Variants in GALNT2 observed in about 807,000 individuals in gnomAD.
The protein encoded by GALNT2 is polypeptide N-acetylgalactosaminyltransferase 2.
In GALNT2, 31 loss-of-function variants were observed where a neutral mutation model predicts 81.4. The ratio of observed to expected loss-of-function variants is 0.38; its 90% CI spans 0.29 to 0.51. The LOEUF is 0.51. Among genes scored for constraint, GALNT2 ranks in the 20% least tolerant of loss-of-function variants. The pLI, the probability that GALNT2 is intolerant of heterozygous loss-of-function variation, is 0.87. For missense variants in GALNT2, 629 were observed against 765.7 expected, an observed-to-expected ratio of 0.82 and a Z score of 2.11; for synonymous variants, 303 against 287.4, an observed-to-expected ratio of 1.05 and a Z score of -0.55.
At chr1:230,068,572 G>C (rs951543820) in intron 1 of GALNT2, among the ~76,000 whole-genome samples, 2 of 152,218 alleles carry the variant, frequency 1.3e-5, no homozygotes, top group Admixed American at 1.3e-4. Flanking sequence ...ACAAGCCAGA[G>C]GGAACTAACT....
At chr1:230,208,045 C>T (rs1279729851) in intron 3 of GALNT2, among the ~76,000 whole-genome samples, 1 of 152,148 alleles carries the variant, frequency 6.6e-6, no homozygotes, top group African/African-American at 2.4e-5. Context: ...ACAGTGATCT[C>T]TGCATGGTTT....
intron 14 of GALNT2, among the ~76,000 whole-genome samples, chr1:230,268,665 A>G (rs994974573): frequency 1.3e-5 from 2 of 152,242 alleles, no homozygotes; most frequent in East Asian, 1.9e-4. Flanking sequence ...CCGCACAGCT[A>G]GTAACACGAG....
chr1:230,060,478 AG>A (rs1659020439), intron 1 of GALNT2, among the ~76,000 whole-genome samples: 1 of 152,148 alleles, frequency 6.6e-6, no homozygotes, highest in Non-Finnish European at 1.5e-5. Context: ...CACCTGGCCA[AG>A]GTGCTGCCTA....
intron 5 of GALNT2, 81 bp from the exon 6 acceptor site, chr1:230,236,579 A>G (rs1036448245): frequency 2.7e-6 from 4 of 1,461,726 alleles, no homozygotes; most frequent in African/African-American, 1.4e-5. Context: ...CGGCCCTTAG[A>G]TGATTGAGAA....
At chr1:230,064,613 C>G (rs548898681), upstream of GALNT2, among the ~76,000 whole-genome samples, 1 of 152,134 alleles carries the variant, frequency 6.6e-6, no homozygotes, top group Admixed American at 6.5e-5. Flanking sequence ...CTCTGCCTCC[C>G]GGGTTCAAAT....
intron 11 of GALNT2, among the ~76,000 whole-genome samples, chr1:230,256,149 C>T (rs1368311974): frequency 6.6e-6 from 1 of 152,104 alleles, no homozygotes; most frequent in Non-Finnish European, 1.5e-5. Context: ...TCTTAAAGGC[C>T]TCACCTCGGC....
intron 7 of GALNT2, among the ~76,000 whole-genome samples, chr1:230,244,712 G>A (rs1665311739): frequency 6.6e-6 from 1 of 152,190 alleles, no homozygotes. Flanking sequence ...ATGTAAAGTA[G>A]ATTATATCCT....
intron 3 of GALNT2, among the ~76,000 whole-genome samples, chr1:230,226,260 G>A (rs1012980162): frequency 7.2e-5 from 11 of 152,150 alleles, no homozygotes; most frequent in African/African-American, 2.2e-4. Flanking sequence ...TGGGAATGGC[G>A]TAAGCATTTT....
rs557032363 is a variant in GALNT2, at chr1:230,274,352, A to C, written c.1441-93A>C. The C allele has an allele frequency of 8.0e-6, 12 of 1,504,446 alleles. No individual in the cohort carries two copies. In the East Asian group the frequency reaches 2.5e-4, roughly 32 times the overall value. 93.2% of individuals were successfully genotyped at this position (1,504,446 alleles called of 1,614,324 possible). On this transcript the variant is annotated intron_variant, in intron 14 of 15. Transcript: ENST00000366672. ...TTCTGAATCTAAGCTCCACCCCGTGACCCATTTCCTTTTTGAGCCCTCATC... is the reference window on the plus strand; with the variant it reads ...TTCTGAATCTAAGCTCCACCCCGTGCCCCATTTCCTTTTTGAGCCCTCATC...
intron 1 of GALNT2, among the ~76,000 whole-genome samples, chr1:230,109,219 A>G (rs12732392): frequency 0.28 from 43,019 of 152,150 alleles, 6,122 homozygotes; most frequent in African/African-American, 0.33. Context: ...GATGGGATGC[A>G]GCTGCCCAGT....
intron 2 of GALNT2, among the ~76,000 whole-genome samples, chr1:230,181,726 T>C (rs1309204880): frequency 6.6e-6 from 1 of 152,148 alleles, no homozygotes; most frequent in South Asian, 2.1e-4. Context: ...GTCTGGTTTT[T>C]GGTATTAGGG....
chr1:230,183,861 C>G (rs535120336), intron 2 of GALNT2, among the ~76,000 whole-genome samples: 1 of 152,094 alleles, frequency 6.6e-6, no homozygotes, highest in African/African-American at 2.4e-5. Flanking sequence ...GCCTGTAATT[C>G]CAGCCACCTG....
At chr1:230,076,588 G>C (rs1659565191) in intron 1 of GALNT2, among the ~76,000 whole-genome samples, 1 of 152,180 alleles carries the variant, frequency 6.6e-6, no homozygotes, top group African/African-American at 2.4e-5. Context: ...TGTACTTGGG[G>C]ACAGTAAAAT....
intron 1 of GALNT2, among the ~76,000 whole-genome samples, chr1:230,145,917 G>A (rs1217379158): frequency 3.3e-5 from 5 of 152,212 alleles, no homozygotes; most frequent in East Asian, 3.8e-4. Context: ...GATGCTCGCC[G>A]CTTGCATTTT....
intron 1 of GALNT2, among the ~76,000 whole-genome samples, chr1:230,085,542 T>C (rs1659873692): frequency 6.6e-6 from 1 of 152,218 alleles, no homozygotes; most frequent in African/African-American, 2.4e-5. Context: ...CCCCTGTGTC[T>C]CATTTGCTGG....
chr1:230,091,085 T>A (rs990145259), intron 1 of GALNT2, among the ~76,000 whole-genome samples: 1 of 152,036 alleles, frequency 6.6e-6, no homozygotes, highest in African/African-American at 2.4e-5. Context: ...CTTTCTTTTT[T>A]TTTTTGAGAC....
chr1:230,107,377 A>G (rs552200724), intron 1 of GALNT2, among the ~76,000 whole-genome samples: 37 of 152,296 alleles, frequency 2.4e-4, no homozygotes, highest in Middle Eastern at 3.4e-3. Context: ...GTTCGAGACC[A>G]GCCTGGGCAA....
intron 1 of GALNT2, among the ~76,000 whole-genome samples, chr1:230,105,611 C>A (rs1274648412): frequency 6.6e-6 from 1 of 152,146 alleles, no homozygotes; most frequent in African/African-American, 2.4e-5. Flanking sequence ...CCACCTTCTT[C>A]CTCGCAGTGG....
At chr1:230,149,169 CTGAGCCTAGCCTACT>C (rs1662017776) in intron 1 of GALNT2, among the ~76,000 whole-genome samples, 1 of 152,266 alleles carries the variant, frequency 6.6e-6, no homozygotes, top group Admixed American at 6.5e-5. Flanking sequence ...GCGTGAGCCA[CTGAGCCTAGCCTACT>C]TGTTTAATTC....
Sources: allele counts gnomAD v4.1 joint callset (sites outside exome capture counted in the v4.1 genomes callset), GRCh38; gene constraint gnomAD v4.1.1; transcripts MANE v1.5; gene names NCBI Gene and HGNC (gene_info 2026-07-23, HGNC 2026-07-21).